SHANK2: variants seen among roughly 807,000 people sequenced by gnomAD.
The protein encoded by SHANK2 is SH3 and multiple ankyrin repeat domains protein 2.
Under a neutral mutation model 133.7 loss-of-function variants are expected in SHANK2, and 43 were observed. The ratio of observed to expected loss-of-function variants is 0.32; its 90% confidence interval spans 0.25 to 0.41. The LOEUF (loss-of-function observed/expected upper bound fraction) is 0.41, where lower values mean the gene tolerates loss of function less well. Ranked by LOEUF, SHANK2 falls within the 10% of genes least tolerant of loss-of-function variation. SHANK2 has a pLI of 1.00. For synonymous variants in SHANK2, 1,017 were observed against 952.8 expected (o/e 1.07, Z -1.24); for missense variants, 1,994 against 2,235.8 (o/e 0.89, Z 2.18).
chr11:71,120,613 C>A (rs561598697), intron 3 of SHANK2, among the ~76,000 whole-genome samples: 1 of 152,156 alleles, frequency 6.6e-6, no homozygotes, highest in Non-Finnish European at 1.5e-5. Context: ...GCTGAGCTCA[C>A]GTGTGGCTCT....
At chr11:70,880,278 G>A (rs1303025259) in intron 11 of SHANK2, among the ~76,000 whole-genome samples, 4 of 152,222 alleles carry the variant, frequency 2.6e-5, no homozygotes, top group African/African-American at 9.6e-5. Flanking sequence ...AAAGGCAGGT[G>A]CACTAATCGG....
At chr11:71,160,120 G>C (rs1555109677) in intron 2 of SHANK2, among the ~76,000 whole-genome samples, 1 of 152,138 alleles carries the variant, frequency 6.6e-6, no homozygotes, top group Non-Finnish European at 1.5e-5. Flanking sequence ...ACACCTGAAG[G>C]GCTAGTTGGC....
chr11:70,697,705 C>T (rs782592480), intron 15 of SHANK2, among the ~76,000 whole-genome samples: 8 of 152,214 alleles, frequency 5.3e-5, no homozygotes, highest in Admixed American at 2.6e-4. Context: ...GTCTAAGAGT[C>T]GAGTGCAGGG....
intron 1 of SHANK2, among the ~76,000 whole-genome samples, chr11:71,238,485 G>A (rs1954850404): frequency 6.6e-6 from 1 of 152,204 alleles, no homozygotes; most frequent in African/African-American, 2.4e-5. Flanking sequence ...GCCTGTCCAA[G>A]GTCACACAGC....
At chr11:70,502,743 C>A in intron 18 of SHANK2, 53 bp downstream of exon 18, 8 of 665,280 alleles carry the variant, frequency 1.2e-5, no homozygotes, top group South Asian at 1.2e-4. Flanking sequence ...CCGCCCCCAC[C>A]CCCCCCCCCC....
At chr11:71,160,483 G>A (rs1555109768) in intron 2 of SHANK2, among the ~76,000 whole-genome samples, 1 of 152,272 alleles carries the variant, frequency 6.6e-6, no homozygotes, top group Non-Finnish European at 1.5e-5. Context: ...GCGTGTTCAC[G>A]TGTGGTCATG....
chr11:70,487,605 C>T lies in SHANK2; in HGVS notation c.2688G>A (p.Pro896=), dbSNP rs141694314. The T allele has an allele frequency of 7.5e-6, 12 of 1,608,732 alleles. No individual in the cohort carries two copies. The highest frequency in any genetic ancestry group is 6.7e-5 in the Admixed American group (4 of 59,464). ...DIPPPPQSVP[P]SPPPPSPTTY... ...TGGTTGGGGAAGGTGGTGGTGGGGA[C>T]GGGGGCACAGACTGCGGTGGAGGGG... The change falls in exon 25 of 26, where the codon CCG becomes CCA. Residue 896 remains proline (P), a synonymous_variant. Coordinates refer to ENST00000601538, the MANE Select transcript of SHANK2 (RefSeq NM_012309.5). The surrounding 1 kb of genome is among the most constrained non-coding windows in gnomAD (Gnocchi z 5.8).
At chr11:71,205,115 G>A (rs1591018048) in intron 2 of SHANK2, among the ~76,000 whole-genome samples, 1 of 152,136 alleles carries the variant, frequency 6.6e-6, no homozygotes, top group South Asian at 2.1e-4. Flanking sequence ...CCTGGATTCC[G>A]TAGCACCCTT....
intron 17 of SHANK2, among the ~76,000 whole-genome samples, chr11:70,560,167 C>G (rs575543665): frequency 6.6e-6 from 1 of 152,132 alleles, no homozygotes; most frequent in African/African-American, 2.4e-5. Flanking sequence ...CCACCGTGCT[C>G]GGCTTGGGGT....
intron 17 of SHANK2, 146 bp downstream of exon 17, chr11:70,659,682 G>A (rs2061455746): frequency 3.1e-6 from 3 of 972,046 alleles, no homozygotes; most frequent in African/African-American, 1.6e-5. Context: ...CACCCACGGT[G>A]GGAGAAACTG....
At chr11:70,604,831 C>T (rs1308986332) in intron 17 of SHANK2, 1 of 152,368 alleles carries the variant, frequency 6.6e-6, no homozygotes, top group African/African-American at 2.4e-5. Context: ...CACAGAAGGG[C>T]TGAGGGTGGC....
In SHANK2 at chr11:71,119,000, C is replaced by T. The variant is rs549178085; in HGVS notation, c.240G>A (p.Val80=). ...ACAGGATCCGCTGCTTTGCAACCCA[C>T]ACTGTGGCATCCGGGTTAAATCGAA... The part of the protein sequence containing the change: ...KCIRFNPDAT[V]WVAKQRILCT... Residue 80 remains valine (V), a synonymous_variant, in exon 4 of 26, where the codon GTG becomes GTA. Coordinates refer to ENST00000601538, the MANE Select transcript of SHANK2 (RefSeq NM_012309.5). The T allele has an allele frequency of 1.9e-6, 3 of 1,551,746 alleles. No homozygotes were observed. The highest frequency in any genetic ancestry group is 2.4e-5 in the South Asian group (2 of 84,056).
intron 17 of SHANK2, among the ~76,000 whole-genome samples, chr11:70,605,740 A>ATTTCCAACCCATTTCTTGATGT (rs2060568467): frequency 6.6e-6 from 1 of 152,172 alleles, no homozygotes; most frequent in African/African-American, 2.4e-5. Flanking sequence ...ACAGATGCAG[A>ATTTCCAACCCATTTCTTGATGT]TTTCCAACCC....
intron 11 of SHANK2, among the ~76,000 whole-genome samples, chr11:70,823,094 G>A: frequency 1.9e-5 from 1 of 53,536 alleles, no homozygotes; most frequent in Non-Finnish European, 3.5e-5. Flanking sequence ...GGACAGAGGT[G>A]GCGCTGGCAG....
intron 3 of SHANK2, among the ~76,000 whole-genome samples, chr11:71,124,789 A>G (rs1555102364): frequency 1.4e-4 from 22 of 152,166 alleles, no homozygotes; most frequent in Non-Finnish European, 1.5e-5. Flanking sequence ...ATTCTATTTC[A>G]CTTGCTTTAT....
chr11:70,753,748 T>G (rs1555037977), intron 14 of SHANK2, among the ~76,000 whole-genome samples: 1 of 150,558 alleles, frequency 6.6e-6, no homozygotes, highest in Non-Finnish European at 1.5e-5. Flanking sequence ...TCTCTAAAAG[T>G]TGCAAACTTC....
At chr11:70,799,306 G>A (rs2135227746) in intron 13 of SHANK2, among the ~76,000 whole-genome samples, 1 of 152,282 alleles carries the variant, frequency 6.6e-6, no homozygotes, top group South Asian at 2.1e-4. Flanking sequence ...GGAGGCTGAG[G>A]CAGGAGAATC....
intron 17 of SHANK2, among the ~76,000 whole-genome samples, chr11:70,542,680 T>C (rs1475302902): frequency 6.6e-6 from 1 of 152,104 alleles, no homozygotes; most frequent in African/African-American, 2.4e-5. Context: ...CCCAGGAAGG[T>C]TGGCAAACGA....
chr11:70,846,667 T>C (rs913657477), intron 11 of SHANK2, among the ~76,000 whole-genome samples: 1 of 152,170 alleles, frequency 6.6e-6, no homozygotes, highest in South Asian at 2.1e-4. Flanking sequence ...GGCCACCTCA[T>C]CTCAGCACAG....
Sources: gnomAD v4.1 joint callset for allele counts (sites outside exome capture counted in the v4.1 genomes callset) on GRCh38, gnomAD v4.1.1 for gene constraint, Gnocchi (gnomAD v3.1) non-coding constraint, MANE v1.5 for transcripts, NCBI Gene and HGNC (gene_info 2026-07-23, HGNC 2026-07-21) for gene names.